The following SNUPN variants were observed in gnomAD, a reference collection of about 807,000 sequenced individuals.
The protein encoded by SNUPN is snurportin 1.
SNUPN carries 31 observed loss-of-function variants against 39.2 expected under a neutral mutation model. The ratio of observed to expected loss-of-function variants is 0.79; its 90% CI spans 0.59 to 1.07. The LOEUF is 1.07. Ranked by LOEUF, SNUPN falls within the 50% of genes least tolerant of loss-of-function variation. The pLI is 0.00. For synonymous variants in SNUPN, 132 were observed against 159.0 expected (o/e 0.83, Z 1.28); for missense variants, 382 against 434.2 (o/e 0.88, Z 1.07).
At chr15:75,624,875 C>G in intron 1 of SNUPN, 1 of 328,266 alleles carries the variant, frequency 3.0e-6, no homozygotes, top group Non-Finnish European at 5.7e-6. Flanking sequence ...CGGATTCAAG[C>G]GATTCTCCTG....
chr15:75,624,704 G>C, intron 1 of SNUPN: 4 of 1,255,458 alleles, frequency 3.2e-6, no homozygotes, highest in Non-Finnish European at 3.1e-6. Flanking sequence ...ATACTGGGGC[G>C]GTTCCTTTAC....
chr15:75,609,259 G>A (rs554928174), intron 5 of SNUPN, among the ~76,000 whole-genome samples: 512 of 131,844 alleles, frequency 3.9e-3, no homozygotes, highest in Middle Eastern at 5.3e-3. Flanking sequence ...GTGCAATCTC[G>A]GCTCACTGCA....
At chr15:75,620,459 C>T (rs1259355829) in intron 2 of SNUPN, among the ~76,000 whole-genome samples, 1 of 152,144 alleles carries the variant, frequency 6.6e-6, no homozygotes, top group Non-Finnish European at 1.5e-5. Flanking sequence ...TTGTCTTGAA[C>T]TCCCAAGAGT....
intron 8 of SNUPN, 146 bp downstream of exon 8, chr15:75,600,992 C>G: frequency 1.5e-6 from 1 of 660,258 alleles, no homozygotes; most frequent in Non-Finnish European, 2.8e-6. Context: ...TGAAGGGCAG[C>G]AAGTACATCC....
intron 3 of SNUPN, 100 bp downstream of exon 3, chr15:75,617,308 T>A (rs1892963033): frequency 7.8e-7 from 1 of 1,289,244 alleles, no homozygotes; most frequent in Admixed American, 2.1e-5. Context: ...TTTTCCTGCC[T>A]CATTCTCCTC....
At chr15:75,607,114 C>A in intron 6 of SNUPN, 102 bp downstream of exon 6, 1 of 792,814 alleles carries the variant, frequency 1.3e-6, no homozygotes, top group Non-Finnish European at 2.3e-6. Flanking sequence ...ACATCCTGTG[C>A]ACACCAAGAA....
chr15:75,607,256 T>A lies in SNUPN; in HGVS notation c.560A>T (p.Asp187Val), dbSNP rs1468108847. 1 of 1,613,696 alleles carries A rather than the reference T, an allele frequency of 6.2e-7. No homozygotes were observed. Among genetic ancestry groups the A allele is most frequent in the Admixed American group, 1.7e-5 (1 of 59,976 alleles). ...AGGGTGTCCCCGCCAGCACATCACA[T>A]CCAGAACGTAGTAGGTCTGGTTTAC... The part of the protein sequence containing the change: ...NEVNQTYYVL[D>V]VMCWRGHPFY... The change falls in exon 6 of 9, where the codon GAT becomes GTT. Residue 187 changes from aspartate to valine, a missense_variant. Physicochemically the swap from Asp to Val is radical, Grantham distance 152. Transcript: ENST00000308588.
intron 7 of SNUPN, among the ~76,000 whole-genome samples, chr15:75,603,241 G>C (rs1411845494): frequency 1.3e-5 from 2 of 149,030 alleles, no homozygotes; most frequent in African/African-American, 2.5e-5. Context: ...TAGAGACGGG[G>C]TTTCACTGTG....
intron 7 of SNUPN, among the ~76,000 whole-genome samples, chr15:75,601,577 A>T (rs1178014140): frequency 6.6e-6 from 1 of 152,070 alleles, no homozygotes; most frequent in Non-Finnish European, 1.5e-5. Flanking sequence ...TCCCTCTCAA[A>T]AAAAGCAAAA....
chr15:75,605,058 G>T, intron 7 of SNUPN, 92 bp downstream of exon 7: 1 of 803,488 alleles, frequency 1.2e-6, no homozygotes, highest in South Asian at 1.6e-5. Flanking sequence ...CCTCAAAAAA[G>T]ATCATTTCAT....
intron 4 of SNUPN, 33 bp downstream of exon 4, chr15:75,609,857 G>T: frequency 6.6e-7 from 1 of 1,509,304 alleles, no homozygotes; most frequent in Non-Finnish European, 9.2e-7. Context: ...TACAGACCAG[G>T]CCTACTGGCA....
intron 6 of SNUPN, 76 bp from the exon 7 acceptor site, chr15:75,605,303 C>A: frequency 1.1e-6 from 1 of 888,800 alleles, no homozygotes; most frequent in Non-Finnish European, 1.7e-6. Context: ...ACACCCCATG[C>A]TATTTTTTTT....
intron 1 of SNUPN, chr15:75,622,461 T>G (rs1404816875): frequency 2.0e-6 from 2 of 985,286 alleles, no homozygotes; most frequent in African/African-American, 1.7e-5. Flanking sequence ...GATGTCATTT[T>G]GAAAACAGAC....
At chr15:75,614,152 G>A (rs1327211785) in intron 3 of SNUPN, among the ~76,000 whole-genome samples, 4 of 152,088 alleles carry the variant, frequency 2.6e-5, no homozygotes, top group Non-Finnish European at 4.4e-5. Flanking sequence ...TTAGCTGGGT[G>A]TGATGGCACA....
rs374442321 is a variant in SNUPN at position 75,601,843 on chromosome 15, C to G, written c.679-625G>C. Among the ~76,000 whole-genome samples, 97 of 152,258 alleles carry G rather than the reference C, an allele frequency of 6.4e-4. 1 individual carries two copies. Among genetic ancestry groups the G allele is most frequent in the African/African-American group, 2.3e-3 (94 of 41,582 alleles). On this transcript the variant is annotated intron_variant, in intron 7 of 8. Transcript: ENST00000308588. The stretch of plus-strand genomic sequence containing the variant: ...TTCTCTACTAATTCCCCTCTACTTA[C>G]TCTCTTAACTACTAGGTCGTGGTTC...
intron 1 of SNUPN, among the ~76,000 whole-genome samples, chr15:75,621,412 C>CA (rs1893068208): frequency 6.6e-6 from 1 of 151,986 alleles, no homozygotes. Context: ...AGGTATACAC[C>CA]ACCACACCCA....
intron 7 of SNUPN, among the ~76,000 whole-genome samples, chr15:75,604,460 C>G (rs2141363692): frequency 6.6e-6 from 1 of 152,286 alleles, no homozygotes; most frequent in African/African-American, 2.4e-5. Context: ...CGGCGCCTGG[C>G]CCTTGGCTTT....
intron 7 of SNUPN, among the ~76,000 whole-genome samples, chr15:75,602,942 G>A (rs1259948474): frequency 6.6e-6 from 1 of 152,006 alleles, no homozygotes; most frequent in Non-Finnish European, 1.5e-5. Flanking sequence ...TAGAGATGGG[G>A]TTTTGCCATG....
At chr15:75,622,216 T>A in intron 1 of SNUPN, 5 of 484,328 alleles carry the variant, frequency 1.0e-5, no homozygotes, top group Non-Finnish European at 1.3e-5. Context: ...AATAAAAAAG[T>A]AAAAAATTAT....
Sources: allele counts gnomAD v4.1 joint callset (sites outside exome capture counted in the v4.1 genomes callset), GRCh38; gene constraint gnomAD v4.1.1; transcripts MANE v1.5; gene names NCBI Gene and HGNC (gene_info 2026-07-23, HGNC 2026-07-21).